KCNAB1: variants seen among roughly 807,000 people sequenced by gnomAD.
KCNAB1 encodes the protein voltage-gated potassium channel subunit beta-1.
In KCNAB1, 35 loss-of-function variants were observed where a neutral mutation model predicts 64.6. That is an observed-to-expected ratio of 0.54 (90% CI 0.41 to 0.72). KCNAB1 has a LOEUF of 0.72. KCNAB1 is among the 30% of genes least tolerant of loss of function. The pLI, the probability that KCNAB1 is intolerant of heterozygous loss-of-function variation, is 0.00. For synonymous variants in KCNAB1, 177 were observed against 183.8 expected (o/e 0.96, Z 0.30); for missense variants, 401 against 512.9 (o/e 0.78, Z 2.11).
intron 8 of KCNAB1, among the ~76,000 whole-genome samples, chr3:156,486,917 A>G (rs1182635978): frequency 1.3e-5 from 2 of 152,290 alleles, no homozygotes; most frequent in East Asian, 3.9e-4. Flanking sequence ...AGCAGAAAAG[A>G]TGTGGGACCA....
At chr3:156,409,829 G>A (rs540627277) in intron 1 of KCNAB1, among the ~76,000 whole-genome samples, 1 of 152,328 alleles carries the variant, frequency 6.6e-6, no homozygotes, top group Admixed American at 6.5e-5. Context: ...GATCAAAGTA[G>A]AGGTTCGAGA....
chr3:156,402,068 G>A (rs528587412), intron 1 of KCNAB1, among the ~76,000 whole-genome samples: 2 of 151,738 alleles, frequency 1.3e-5, no homozygotes, highest in East Asian at 3.9e-4. Flanking sequence ...GTTGGTGGGT[G>A]CAGCAAACCA....
intron 12 of KCNAB1, among the ~76,000 whole-genome samples, chr3:156,530,101 G>A (rs551890498): frequency 1.3e-5 from 2 of 152,262 alleles, no homozygotes; most frequent in East Asian, 1.9e-4. Flanking sequence ...TATCTAAGCA[G>A]GTAAAAAGGG....
At chr3:156,361,730 C>T (rs1410433401) in intron 1 of KCNAB1, among the ~76,000 whole-genome samples, 1 of 152,182 alleles carries the variant, frequency 6.6e-6, no homozygotes, top group Non-Finnish European at 1.5e-5. Context: ...ACGATTATAG[C>T]TCATTGGAGC....
At chr3:156,173,261 GGGCAACAGAACCATTATCAAGAT>G (rs1334082609) in intron 1 of KCNAB1, among the ~76,000 whole-genome samples, 1 of 152,130 alleles carries the variant, frequency 6.6e-6, no homozygotes, top group Admixed American at 6.5e-5. Flanking sequence ...TTCACTCTCA[GGGCAACAGAACCATTATCAAGAT>G]GGCCAGTGAG....
At chr3:156,124,862 G>A (rs1034423285) in intron 1 of KCNAB1, among the ~76,000 whole-genome samples, 52 of 152,122 alleles carry the variant, frequency 3.4e-4, no homozygotes, top group Non-Finnish European at 7.4e-5. Flanking sequence ...GTCGTAGGCC[G>A]GGCATGGTGG....
intron 1 of KCNAB1, among the ~76,000 whole-genome samples, chr3:156,284,910 C>G (rs1470270015): frequency 6.6e-6 from 1 of 152,210 alleles, no homozygotes; most frequent in Non-Finnish European, 1.5e-5. Context: ...GATGGAAATG[C>G]AGAAATCACC....
intron 1 of KCNAB1, among the ~76,000 whole-genome samples, chr3:156,178,730 G>A (rs563627485): frequency 2.0e-5 from 3 of 152,090 alleles, no homozygotes; most frequent in East Asian, 1.9e-4. Context: ...GGCCGGGCGC[G>A]GTGGCTCACG....
intron 2 of KCNAB1, among the ~76,000 whole-genome samples, chr3:156,436,085 ACAGGCCC>A (rs1166129975): frequency 1.3e-5 from 2 of 151,778 alleles, no homozygotes; most frequent in African/African-American, 4.8e-5. Context: ...CCCACCCCCA[ACAGGCCC>A]CAGTGTGTGT....
chr3:156,445,355 G>T (rs781196974), intron 2 of KCNAB1, among the ~76,000 whole-genome samples: 2 of 152,090 alleles, frequency 1.3e-5, no homozygotes, highest in Non-Finnish European at 2.9e-5. Context: ...GGTATGAGAA[G>T]AATATAAACT....
chr3:156,281,182 T>C (rs925011938), intron 1 of KCNAB1, among the ~76,000 whole-genome samples: 4 of 147,338 alleles, frequency 2.7e-5, no homozygotes, highest in African/African-American at 1.0e-4. Flanking sequence ...GAAGGGTTGT[T>C]GAATTTTGTC....
At chr3:156,146,015 C>A (rs972285431) in intron 1 of KCNAB1, among the ~76,000 whole-genome samples, 2 of 152,110 alleles carry the variant, frequency 1.3e-5, no homozygotes, top group African/African-American at 4.8e-5. Context: ...GTTTTCCATT[C>A]TGAATTTGGT....
chr3:156,334,672 T>C (rs561478799), intron 1 of KCNAB1, among the ~76,000 whole-genome samples: 1 of 152,308 alleles, frequency 6.6e-6, no homozygotes, highest in African/African-American at 2.4e-5. Flanking sequence ...TTAATTTTCC[T>C]TTTATTTTTT....
At chr3:156,360,359 T>C (rs1018438708) in intron 1 of KCNAB1, among the ~76,000 whole-genome samples, 4 of 152,156 alleles carry the variant, frequency 2.6e-5, no homozygotes, top group African/African-American at 9.7e-5. Flanking sequence ...TGCCTTTCTG[T>C]AGCCTTCCTC....
intron 1 of KCNAB1, among the ~76,000 whole-genome samples, chr3:156,220,004 G>T (rs1715606124): frequency 6.6e-6 from 1 of 152,040 alleles, no homozygotes; most frequent in Non-Finnish European, 1.5e-5. Context: ...TGCTTGGAAT[G>T]ATGGTTTCCA....
chr3:156,458,778 T>A (rs1212913940), intron 4 of KCNAB1, among the ~76,000 whole-genome samples: 1 of 152,224 alleles, frequency 6.6e-6, no homozygotes, highest in African/African-American at 2.4e-5. Flanking sequence ...AGCAAGTCTG[T>A]TAGAGTCCTG....
At chr3:156,479,482 A>G (rs1714629676) in intron 8 of KCNAB1, among the ~76,000 whole-genome samples, 1 of 151,628 alleles carries the variant, frequency 6.6e-6, no homozygotes, top group Admixed American at 6.6e-5. Flanking sequence ...CTCTACCTAT[A>G]CTCTTCTCAC....
Position 156,141,475 on chromosome 3 carries a change from G to C in KCNAB1, c.275+20589G>C, listed in dbSNP as rs1422205242. 2.6e-5 allele frequency among the ~76,000 whole-genome samples: 4 copies of C among 151,372 alleles called. No homozygotes were observed. In the South Asian group the frequency reaches 6.3e-4, roughly 24 times the overall value. The stretch of plus-strand genomic sequence containing the variant: ...TCTCTAGCTACAATTTTGCCATTTT[G>C]AGAATGTTATATATATGGAATGATA... On this transcript the variant is annotated intron_variant, in intron 1 of 13. Coordinates refer to ENST00000490337, the MANE Select transcript of KCNAB1 (RefSeq NM_172160.3).
chr3:156,223,701 C>T (rs1715945236), intron 1 of KCNAB1, among the ~76,000 whole-genome samples: 1 of 152,224 alleles, frequency 6.6e-6, no homozygotes. Context: ...GGTGCATCCA[C>T]AGACCCTGAG....
Sources: allele counts gnomAD v4.1 joint callset (sites outside exome capture counted in the v4.1 genomes callset), GRCh38; gene constraint gnomAD v4.1.1; transcripts MANE v1.5; gene names NCBI Gene and HGNC (gene_info 2026-07-23, HGNC 2026-07-21).